TLK1: variants seen among roughly 807,000 people sequenced by gnomAD.
TLK1 encodes the protein serine/threonine-protein kinase tousled-like 1.
In TLK1, 24 loss-of-function variants were observed where a neutral mutation model predicts 105.3. The observed-to-expected ratio is 0.23, with a 90% CI of 0.17 to 0.32. TLK1 has a LOEUF of 0.32. Ranked by LOEUF, TLK1 falls within the 10% of genes least tolerant of loss-of-function variation. The pLI is 1.00. For synonymous variants in TLK1, 321 were observed against 310.4 expected (o/e 1.03, Z -0.36); for missense variants, 558 against 910.5 (o/e 0.61, Z 4.98).
intron 1 of TLK1, among the ~76,000 whole-genome samples, chr2:171,124,341 A>G (rs754970458): frequency 5.1e-4 from 78 of 152,248 alleles, no homozygotes; most frequent in Non-Finnish European, 9.8e-4. Context: ...CATTTTAAAA[A>G]CATTACTCAA....
chr2:171,025,609 G>A (rs1685736103), intron 12 of TLK1, among the ~76,000 whole-genome samples: 1 of 152,052 alleles, frequency 6.6e-6, no homozygotes. Flanking sequence ...TACAAGTCGG[G>A]GTTCATGTCT....
chr2:171,100,555 G>A (rs1040989993), intron 2 of TLK1, among the ~76,000 whole-genome samples: 7 of 152,060 alleles, frequency 4.6e-5, no homozygotes, highest in Non-Finnish European at 8.8e-5. Context: ...CTTGAACCTC[G>A]CAGCCTGCAG....
chr2:171,000,376 CAAAAAAAAAAAA>C (rs34800888), intron 18 of TLK1, among the ~76,000 whole-genome samples: 120 of 78,350 alleles, frequency 1.5e-3, no homozygotes, highest in Middle Eastern at 6.0e-3. Context: ...GAAACTCTGT[CAAAAAAAAAAAA>C]AAAAAAAAAA....
At chr2:171,133,421 AC>A (rs1255640779) in intron 1 of TLK1, among the ~76,000 whole-genome samples, 1 of 152,072 alleles carries the variant, frequency 6.6e-6, no homozygotes, top group East Asian at 1.9e-4. Context: ...ACATGGGGAA[AC>A]CCTGTCTCTA....
At chr2:171,101,238 C>G (rs13428613) in intron 2 of TLK1, among the ~76,000 whole-genome samples, 60,819 of 150,532 alleles carry the variant, frequency 0.4, 13,957 homozygotes, top group African/African-American at 0.61. Flanking sequence ...CCCAGCTACT[C>G]AGGAGGCTGA....
intron 1 of TLK1, among the ~76,000 whole-genome samples, chr2:171,122,253 C>G (rs941116317): frequency 1.3e-5 from 2 of 152,222 alleles, no homozygotes; most frequent in African/African-American, 4.8e-5. Flanking sequence ...CGTGAGCCAC[C>G]GCACCCGGCC....
intron 3 of TLK1, among the ~76,000 whole-genome samples, chr2:171,071,494 A>G (rs921536534): frequency 2.6e-5 from 4 of 151,958 alleles, no homozygotes; most frequent in African/African-American, 9.7e-5. Context: ...TCACTGTGTT[A>G]GCCAAGATGG....
chr2:171,222,359 G>A (rs1693823761), intron 1 of TLK1, among the ~76,000 whole-genome samples: 1 of 152,074 alleles, frequency 6.6e-6, no homozygotes, highest in African/African-American at 2.4e-5. Context: ...TTTTGAGACA[G>A]GGTCTTGCTC....
upstream of TLK1, among the ~76,000 whole-genome samples, chr2:171,162,373 A>C (rs367769588): frequency 2.6e-5 from 4 of 152,174 alleles, no homozygotes; most frequent in Non-Finnish European, 5.9e-5. Flanking sequence ...CCCCATCTCT[A>C]CTTAAAATAC....
Position 171,011,379 on chromosome 2 carries a change from C to T in TLK1, c.1410G>A (p.Val470=), listed in dbSNP as rs917194850. 1.9e-6 allele frequency: 3 copies of T among 1,611,856 alleles called. No individual in the cohort carries two copies. Among genetic ancestry groups the T allele is most frequent in the Non-Finnish European group, 1.7e-6 (2 of 1,178,750 alleles). The change falls in exon 14 of 21, where the codon GTG becomes GTA. Residue 470 remains valine (V), a synonymous_variant. Coordinates refer to ENST00000431350, the MANE Select transcript of TLK1 (RefSeq NM_012290.5). ...AGAATAAAACATACATTACCTTATA[C>T]ACTTCACTAAAGCCACCTCTACCAA... is the stretch of plus-strand genomic sequence containing the variant. ...HLLGRGGFSE[V]YKAFDLYEQR... is the part of the protein sequence containing the mutation.
At chr2:171,202,843 A>C (rs1287882648) in intron 1 of TLK1, among the ~76,000 whole-genome samples, 1 of 152,234 alleles carries the variant, frequency 6.6e-6, no homozygotes, top group Non-Finnish European at 1.5e-5. Flanking sequence ...TAATTCTGGC[A>C]CATATAAATA....
In TLK1 at chr2:171,050,172, A is replaced by G. The variant is rs1128329; in HGVS notation, c.735T>C (p.Ala245=). ...KEGRIDDLLR[A]NCDLRRQIDE... The stretch of plus-strand genomic sequence containing the variant: ...CTATTTGCCGTCTGAGATCACAGTT[A>G]GCCTATGACATAAGTAGAAAATGCA... Residue 245 remains alanine, a splice_region_variant and synonymous_variant, in exon 9 of 21, where the codon GCT becomes GCC. Coordinates refer to ENST00000431350, the MANE Select transcript of TLK1 (RefSeq NM_012290.5). 9.4e-5 allele frequency: 149 copies of G among 1,591,904 alleles called. No homozygotes were observed. Among genetic ancestry groups the G allele is most frequent in the Non-Finnish European group, 1.2e-4 (136 of 1,166,780 alleles).
Position 171,067,160 on chromosome 2 carries a change from GT to G in TLK1, c.331-6005del, listed in dbSNP as rs11399480. Among the ~76,000 whole-genome samples the G allele has an allele frequency of 8.0e-4, 113 of 141,082 alleles. No individual in the cohort carries two copies. In the South Asian group the frequency reaches 0.011, roughly 14 times the overall value. 92.6% of individuals were successfully genotyped at this position (141,082 alleles called of 152,430 possible). A position where few individuals can be genotyped will look rare whatever the true frequency, so the allele number is the denominator to read the frequency against. On this transcript the variant is annotated intron_variant, in intron 3 of 20. Coordinates refer to ENST00000431350, the MANE Select transcript of TLK1 (RefSeq NM_012290.5). ...TGTATCACAGAATATGTGCACTTAG[GT>G]TTTTTTTTTTTTTTCTGAGACAGAG...
intron 14 of TLK1, among the ~76,000 whole-genome samples, chr2:171,009,191 C>T (rs1224762832): frequency 6.6e-6 from 1 of 151,164 alleles, no homozygotes; most frequent in Non-Finnish European, 1.5e-5. Context: ...GATACCAGAA[C>T]TGAAGTTCTC....
chr2:171,133,296 C>T (rs930726352), intron 1 of TLK1, among the ~76,000 whole-genome samples: 4 of 152,080 alleles, frequency 2.6e-5, no homozygotes, highest in African/African-American at 9.7e-5. Context: ...GAAAAAACAA[C>T]AAGATTTGGT....
intron 1 of TLK1, among the ~76,000 whole-genome samples, chr2:171,149,099 CTTTTTT>C (rs11335300): frequency 2.8e-4 from 16 of 57,894 alleles, no homozygotes; most frequent in African/African-American, 5.8e-4. Flanking sequence ...AATTACTTTT[CTTTTTT>C]TTTTTTTTTT....
At chr2:171,056,378 A>C in intron 6 of TLK1, 93 bp downstream of exon 6, 3 of 906,820 alleles carry the variant, frequency 3.3e-6, no homozygotes, top group South Asian at 3.3e-5. Context: ...ATTTATATAG[A>C]AGTTCTCAAT....
intron 1 of TLK1, chr2:171,154,053 T>C (rs966935534): frequency 6.7e-5 from 10 of 148,946 alleles, no homozygotes; most frequent in Admixed American, 6.7e-5. Flanking sequence ...TACCGACATA[T>C]GCCACCATAC....
chr2:171,115,410 T>A (rs983638156), intron 2 of TLK1, among the ~76,000 whole-genome samples: 1 of 152,016 alleles, frequency 6.6e-6, no homozygotes, highest in African/African-American at 2.4e-5. Context: ...TGACCTCAGG[T>A]GACCCGCCCA....
Sources: gnomAD v4.1 joint callset for allele counts (sites outside exome capture counted in the v4.1 genomes callset) on GRCh38, gnomAD v4.1.1 for gene constraint, MANE v1.5 for transcripts, NCBI Gene and HGNC (gene_info 2026-07-23, HGNC 2026-07-21) for gene names.